PXDNL: variants seen among roughly 807,000 people sequenced by gnomAD.
PXDNL encodes peroxidasin like, also known as probable oxidoreductase PXDNL.
In PXDNL, 145 loss-of-function variants were observed where a neutral mutation model predicts 150.8. The ratio of observed to expected loss-of-function variants is 0.96; its 90% CI spans 0.84 to 1.10. The LOEUF (loss-of-function observed/expected upper bound fraction) is 1.10, where lower values mean the gene tolerates loss of function less well. Ranked by LOEUF, PXDNL falls within the 50% of genes least tolerant of loss-of-function variation. PXDNL has a pLI of 0.00. For missense variants in PXDNL, 2,087 were observed against 1,873.9 expected, an observed-to-expected ratio of 1.11 and a Z score of -2.10; for synonymous variants, 757 against 725.7, an observed-to-expected ratio of 1.04 and a Z score of -0.69.
chr8:51,332,615 A>G (rs1272238072), intron 21 of PXDNL, among the ~76,000 whole-genome samples: 1 of 152,126 alleles, frequency 6.6e-6, no homozygotes, highest in Non-Finnish European at 1.5e-5. Flanking sequence ...GAAATATTCA[A>G]TGAAATAGAG....
At chr8:51,562,717 C>T (rs900991076) in intron 3 of PXDNL, among the ~76,000 whole-genome samples, 5 of 151,870 alleles carry the variant, frequency 3.3e-5, no homozygotes, top group Admixed American at 1.3e-4. Context: ...AGTCTGTACC[C>T]TCATTTCCTG....
intron 19 of PXDNL, among the ~76,000 whole-genome samples, chr8:51,354,518 A>C (rs1806445871): frequency 6.6e-6 from 1 of 152,124 alleles, no homozygotes; most frequent in Non-Finnish European, 1.5e-5. Flanking sequence ...TTTGTAATTC[A>C]TTAGCATAAG....
At chr8:51,608,901 T>C (rs961146290) in intron 2 of PXDNL, among the ~76,000 whole-genome samples, 4 of 151,740 alleles carry the variant, frequency 2.6e-5, no homozygotes, top group Non-Finnish European at 5.9e-5. Context: ...AAGCATATGT[T>C]TTCTCTGAAT....
Position 51,644,153 on chromosome 8 carries a change from T to A in PXDNL, c.236+10536A>T, listed in dbSNP as rs202176449. Among the ~76,000 whole-genome samples, 43 of 149,724 alleles carry A rather than the reference T, an allele frequency of 2.9e-4. 2 individuals are homozygous for A. In the East Asian group the frequency reaches 7.4e-3, roughly 26 times the overall value. On this transcript the variant is annotated intron_variant, in intron 2 of 22. Coordinates refer to ENST00000356297, the MANE Select transcript of PXDNL (RefSeq NM_144651.5). ...AGCGTGAGACTCCATCTCAAAAAAA[T>A]AAATAAATAAATAAAGTTAAATAAG...
chr8:51,628,251 T>A (rs1425061184), intron 2 of PXDNL, among the ~76,000 whole-genome samples: 2 of 151,646 alleles, frequency 1.3e-5, no homozygotes, highest in Non-Finnish European at 2.9e-5. Flanking sequence ...TGAGACAGAG[T>A]TGTAAATGGT....
chr8:51,498,299 G>A (rs1811105271), intron 5 of PXDNL, among the ~76,000 whole-genome samples: 1 of 120,982 alleles, frequency 8.3e-6, no homozygotes, highest in South Asian at 3.2e-4. Context: ...GGGGAGGGGG[G>A]AGGGATAGCA....
In PXDNL at chr8:51,552,274, A is replaced by C. The variant is rs374832083; in HGVS notation, c.380+4566T>G. On this transcript the variant is annotated intron_variant, in intron 4 of 22. Transcript: ENST00000356297. Reference sequence around the variant, plus strand: ...AACCACTATGGAAAACAGTATGGAGATTCTTAAAGAACTAAAAGTAGAACT... The same window carrying C: ...AACCACTATGGAAAACAGTATGGAGCTTCTTAAAGAACTAAAAGTAGAACT... Among the ~76,000 whole-genome samples, 142 of 152,284 alleles carry C rather than the reference A, an allele frequency of 9.3e-4. 2 individuals are homozygous for C. In the East Asian group the frequency reaches 0.026, roughly 28 times the overall value.
chr8:51,763,875 C>A (rs1030404592), intron 1 of PXDNL, among the ~76,000 whole-genome samples: 1 of 152,150 alleles, frequency 6.6e-6, no homozygotes, highest in Non-Finnish European at 1.5e-5. Context: ...TTGGAAAAAT[C>A]TGTGAAGAAT....
At chr8:51,356,405 C>T (rs957801730) in intron 19 of PXDNL, among the ~76,000 whole-genome samples, 2 of 151,656 alleles carry the variant, frequency 1.3e-5, no homozygotes, top group Non-Finnish European at 2.9e-5. Flanking sequence ...AGGAGAATCA[C>T]TTGAACCCGG....
At chr8:51,490,486 G>T (rs1810863929) in intron 5 of PXDNL, among the ~76,000 whole-genome samples, 1 of 151,782 alleles carries the variant, frequency 6.6e-6, no homozygotes, top group South Asian at 2.1e-4. Flanking sequence ...GGATTGGGTA[G>T]TAGTTTCAAA....
chr8:51,749,786 C>T (rs1460608529), intron 1 of PXDNL, among the ~76,000 whole-genome samples: 1 of 152,092 alleles, frequency 6.6e-6, no homozygotes, highest in Non-Finnish European at 1.5e-5. Context: ...CTGCAACCTC[C>T]GACTCCCTGG....
intron 4 of PXDNL, among the ~76,000 whole-genome samples, chr8:51,521,579 A>G (rs748475523): frequency 5.9e-5 from 9 of 152,128 alleles, no homozygotes; most frequent in Non-Finnish European, 1.2e-4. Context: ...GAAATAAACA[A>G]TGGCTTTTTT....
intron 1 of PXDNL, among the ~76,000 whole-genome samples, chr8:51,725,078 C>T (rs1816798713): frequency 6.6e-6 from 1 of 152,048 alleles, no homozygotes; most frequent in South Asian, 2.1e-4. Flanking sequence ...GGTTCGAACT[C>T]CGGGTGTTTA....
At chr8:51,669,149 CATT>C (rs1421796532) in intron 1 of PXDNL, among the ~76,000 whole-genome samples, 39 of 152,232 alleles carry the variant, frequency 2.6e-4, no homozygotes, top group African/African-American at 9.1e-4. Context: ...ATTATTTCAA[CATT>C]ATGCTGAAAG....
At position 51,643,506 on chromosome 8, in the gene PXDNL, C is replaced by G. The variant is rs534880136; in HGVS notation, c.236+11183G>C. 2.4e-4 allele frequency among the ~76,000 whole-genome samples: 36 copies of G among 152,314 alleles called. 2 individuals carry two copies. Among genetic ancestry groups the G allele is most frequent in the African/African-American group, 5.5e-4 (23 of 41,558 alleles). On this transcript the variant is annotated intron_variant, in intron 2 of 22. Coordinates refer to ENST00000356297, the MANE Select transcript of PXDNL (RefSeq NM_144651.5). ...GCCTGCCATATGTAGAAAGCTGAAACTGGATCCCTTCCTTACACCTTATAC... is the reference window on the plus strand; with the variant it reads ...GCCTGCCATATGTAGAAAGCTGAAAGTGGATCCCTTCCTTACACCTTATAC...
intron 1 of PXDNL, among the ~76,000 whole-genome samples, chr8:51,808,066 AAT>A (rs1474531157): frequency 9.8e-5 from 15 of 152,324 alleles, no homozygotes; most frequent in South Asian, 2.1e-4. Flanking sequence ...ATCTATGGAT[AAT>A]ATGTCATTTT....
intron 8 of PXDNL, among the ~76,000 whole-genome samples, chr8:51,460,249 T>C (rs1165441725): frequency 7.1e-6 from 1 of 140,486 alleles, no homozygotes; most frequent in Non-Finnish European, 1.5e-5. Flanking sequence ...ACTGTCTGTC[T>C]CAAAAAAAAA....
At chr8:51,654,004 A>ATAT (rs1208787578) in intron 2 of PXDNL, among the ~76,000 whole-genome samples, 2 of 152,292 alleles carry the variant, frequency 1.3e-5, no homozygotes, top group East Asian at 3.9e-4. Flanking sequence ...TATTACAGAC[A>ATAT]TATTACAGTT....
At position 51,377,989 on chromosome 8, in the gene PXDNL, C is replaced by T. The variant is rs191658829; in HGVS notation, c.3558-3258G>A. On this transcript the variant is annotated intron_variant, in intron 17 of 22. Coordinates refer to ENST00000356297, the MANE Select transcript of PXDNL (RefSeq NM_144651.5). ...GGTGAAGCCAGCTGGGCTCCTGAGTCTAGTGGGGACTTGGAGAACCTTTAT... is the reference window on the plus strand; with the variant it reads ...GGTGAAGCCAGCTGGGCTCCTGAGTTTAGTGGGGACTTGGAGAACCTTTAT... Among the ~76,000 whole-genome samples the T allele has an allele frequency of 8.5e-4, 130 of 152,366 alleles. No individual in the cohort carries two copies. In the East Asian group the frequency reaches 0.019, roughly 22 times the overall value.
Sources: allele counts gnomAD v4.1 joint callset (sites outside exome capture counted in the v4.1 genomes callset), GRCh38; gene constraint gnomAD v4.1.1; transcripts MANE v1.5; gene names NCBI Gene and HGNC (gene_info 2026-07-23, HGNC 2026-07-21).